SGCD: variants seen among roughly 807,000 people sequenced by gnomAD.
SGCD encodes delta-sarcoglycan.
A neutral mutation model predicts 36.6 loss-of-function variants in SGCD; 18 were observed. That is an observed-to-expected ratio of 0.49 (90% CI 0.34 to 0.73). The LOEUF (loss-of-function observed/expected upper bound fraction) is 0.73, where lower values mean the gene tolerates loss of function less well. Ranked by LOEUF, SGCD falls within the 30% of genes least tolerant of loss-of-function variation. The pLI, the probability that SGCD is intolerant of heterozygous loss-of-function variation, is 0.01. For missense variants in SGCD, 387 were observed against 346.7 expected (o/e 1.12, Z -0.92); for synonymous variants, 133 against 130.6 (o/e 1.02, Z -0.12).
intron 3 of SGCD, among the ~76,000 whole-genome samples, chr5:156,474,948 A>G (rs557750404): frequency 2.6e-4 from 40 of 152,338 alleles, no homozygotes; most frequent in Non-Finnish European, 3.7e-4. Context: ...TGCTAATTCC[A>G]TAGGGTTGTT....
Position 156,759,342 on chromosome 5 carries a change from G to A in SGCD, c.825G>A (p.Gln275=). ...CCAATGGGAGATTATTCCTGTCTCA[G>A]GCAGGAGCTGGGTCCACTTGTCAGA... ...VCANGRLFLS[Q]AGAGSTCQIN... is the part of the protein sequence containing the mutation. Residue 275 remains glutamine (Q), a synonymous_variant, in exon 9 of 9, where the codon CAG becomes CAA. Transcript: ENST00000337851. 1.9e-6 allele frequency: 3 copies of A among 1,612,984 alleles called. No homozygotes were observed. Among genetic ancestry groups the A allele is most frequent in the Non-Finnish European group, 2.5e-6 (3 of 1,179,164 alleles).
chr5:155,801,282 C>T, the SGCD span, among the ~76,000 whole-genome samples: 1 of 152,220 alleles, frequency 6.6e-6, no homozygotes, highest in Admixed American at 6.5e-5. Flanking sequence ...TGTTAAACCT[C>T]TCCTACCACC....
At chr5:156,056,908 C>G (rs1406435380) in intron 1 of SGCD, among the ~76,000 whole-genome samples, 1 of 145,836 alleles carries the variant, frequency 6.9e-6, no homozygotes. Context: ...ATGACTGATA[C>G]CTACTTAGTG....
chr5:156,282,312 A>T (rs918138712), intron 3 of SGCD, among the ~76,000 whole-genome samples: 3 of 152,158 alleles, frequency 2.0e-5, no homozygotes, highest in Admixed American at 1.3e-4. Context: ...TTATTTTCTG[A>T]TGCAACGCAA....
chr5:156,366,005 G>A (rs902931813), intron 3 of SGCD, among the ~76,000 whole-genome samples: 2 of 152,204 alleles, frequency 1.3e-5, no homozygotes, highest in Non-Finnish European at 2.9e-5. Flanking sequence ...GAAGACATGA[G>A]TAGCCATGCA....
chr5:156,254,836 G>A (rs1173771228), intron 3 of SGCD, among the ~76,000 whole-genome samples: 7 of 152,116 alleles, frequency 4.6e-5, no homozygotes, highest in Admixed American at 2.6e-4. Flanking sequence ...GACACAGCAA[G>A]ACCCTGCCTC....
At chr5:155,735,913 G>A in the SGCD span, among the ~76,000 whole-genome samples, 1 of 152,184 alleles carries the variant, frequency 6.6e-6, no homozygotes, top group African/African-American at 2.4e-5. Flanking sequence ...TCAAGAATTA[G>A]AGATGTATGG....
chr5:156,584,141 G>A (rs1760395466), intron 4 of SGCD, among the ~76,000 whole-genome samples: 1 of 152,134 alleles, frequency 6.6e-6, no homozygotes, highest in African/African-American at 2.4e-5. Context: ...TCTCCCTTAA[G>A]CATCAAACTC....
intron 3 of SGCD, among the ~76,000 whole-genome samples, chr5:156,483,331 G>T (rs1450596879): frequency 6.6e-6 from 1 of 152,152 alleles, no homozygotes. Flanking sequence ...ATATTTAACA[G>T]GTGTCAGACT....
chr5:156,295,777 A>G (rs74623603), intron 3 of SGCD, among the ~76,000 whole-genome samples: 3,425 of 152,278 alleles, frequency 0.022, 65 homozygotes, highest in Non-Finnish European at 0.033. Context: ...TATTTAACCT[A>G]TATCTATTTT....
chr5:156,004,256 G>A (rs1003118932), intron 1 of SGCD, among the ~76,000 whole-genome samples: 1 of 151,946 alleles, frequency 6.6e-6, no homozygotes, highest in Non-Finnish European at 1.5e-5. Flanking sequence ...TATGTTTGGG[G>A]GGGATAAGTA....
At chr5:156,629,322 G>A (rs902161201) in intron 6 of SGCD, among the ~76,000 whole-genome samples, 2 of 152,302 alleles carry the variant, frequency 1.3e-5, no homozygotes, top group South Asian at 2.1e-4. Context: ...ATAATAAGGT[G>A]ATAATAAATG....
intron 1 of SGCD, among the ~76,000 whole-genome samples, chr5:156,036,660 G>T (rs989594317): frequency 6.6e-6 from 1 of 152,074 alleles, no homozygotes; most frequent in East Asian, 1.9e-4. Flanking sequence ...TGCTTCATGG[G>T]TTATTTATTC....
intron 3 of SGCD, among the ~76,000 whole-genome samples, chr5:156,214,399 CA>C (rs1246783344): frequency 2.0e-5 from 3 of 151,430 alleles, no homozygotes; most frequent in Admixed American, 6.6e-5. Flanking sequence ...AAATTTAACC[CA>C]GGAGATAAAA....
intron 2 of SGCD, among the ~76,000 whole-genome samples, chr5:156,342,375 C>T (rs538626705): frequency 6.6e-6 from 1 of 152,288 alleles, no homozygotes; most frequent in Non-Finnish European, 1.5e-5. Context: ...GCCACAAATC[C>T]TTTAGCCCTG....
intron 3 of SGCD, among the ~76,000 whole-genome samples, chr5:156,151,632 C>T (rs1762837636): frequency 6.6e-6 from 1 of 151,410 alleles, no homozygotes; most frequent in South Asian, 2.1e-4. Context: ...CTCTGAGCAC[C>T]AAGATACTGC....
At chr5:156,468,305 C>A (rs1754799173) in intron 3 of SGCD, among the ~76,000 whole-genome samples, 1 of 141,206 alleles carries the variant, frequency 7.1e-6, no homozygotes, top group African/African-American at 2.7e-5. Flanking sequence ...TGTTTTACTG[C>A]ACTTTAGCTT....
intron 3 of SGCD, among the ~76,000 whole-genome samples, chr5:156,195,775 A>G (rs1764011238): frequency 8.5e-5 from 13 of 152,214 alleles, no homozygotes; most frequent in Admixed American, 8.5e-4. Context: ...CTGGGCAAGC[A>G]AGAGCAAAAC....
intron 3 of SGCD, among the ~76,000 whole-genome samples, chr5:156,212,297 G>GTTCTTTGC (rs1314181461): frequency 6.6e-6 from 1 of 152,190 alleles, no homozygotes; most frequent in East Asian, 1.9e-4. Context: ...CATATAGAGT[G>GTTCTTTGC]AGAGTGAAGG....
Sources: gnomAD v4.1 joint callset for allele counts (sites outside exome capture counted in the v4.1 genomes callset) on GRCh38, gnomAD v4.1.1 for gene constraint, MANE v1.5 for transcripts, NCBI Gene and HGNC (gene_info 2026-07-23, HGNC 2026-07-21) for gene names.